The following OR1J2 variants were observed in gnomAD, a reference collection of about 807,000 sequenced individuals.
OR1J2 encodes the protein olfactory receptor 1J2.
For missense variants in OR1J2, 304 were observed against 246.1 expected (o/e 1.24, Z -1.57); for synonymous variants, 142 against 99.7 (o/e 1.42, Z -2.52).
the OR1J2 span, chr9:122,553,457 C>T: frequency 2.5e-6 from 4 of 1,614,158 alleles, no homozygotes; most frequent in Non-Finnish European, 3.4e-6. Flanking sequence ...CCTCCATCCC[C>T]AAAATGCTGG....
At chr9:122,489,619 C>T in the OR1J2 span, among the ~76,000 whole-genome samples, 1 of 152,130 alleles carries the variant, frequency 6.6e-6, no homozygotes, top group Non-Finnish European at 1.5e-5. Context: ...TTTTCAATAA[C>T]CAATGTATAG....
the OR1J2 span, chr9:122,527,383 A>G: frequency 1.4e-6 from 1 of 702,906 alleles, no homozygotes; most frequent in Non-Finnish European, 2.4e-6. Flanking sequence ...TCTCCCTTTA[A>G]GTTCATTATA....
the OR1J2 span, among the ~76,000 whole-genome samples, chr9:122,496,683 T>A: frequency 6.6e-6 from 1 of 151,982 alleles, no homozygotes; most frequent in Admixed American, 6.6e-5. Flanking sequence ...TGAACATTGG[T>A]TTGGTCTGGA....
At chr9:122,515,832 A>G (rs968916627), downstream of OR1J2, among the ~76,000 whole-genome samples, 2 of 152,016 alleles carry the variant, frequency 1.3e-5, no homozygotes, top group African/African-American at 4.8e-5. Flanking sequence ...TCCTGCCTGT[A>G]ATCTGTAGTG....
the OR1J2 span, among the ~76,000 whole-genome samples, chr9:122,579,689 G>T: frequency 0.026 from 4,025 of 152,274 alleles, 123 homozygotes; most frequent in African/African-American, 0.071. Flanking sequence ...GGGGTATGGT[G>T]TCATAATTAT....
At chr9:122,550,407 G>T in the OR1J2 span, among the ~76,000 whole-genome samples, 2 of 151,976 alleles carry the variant, frequency 1.3e-5, no homozygotes, top group Non-Finnish European at 2.9e-5. Flanking sequence ...TACAAAGCAG[G>T]TATCACCTGG....
At chr9:122,500,849 T>C in the OR1J2 span, among the ~76,000 whole-genome samples, 1 of 152,170 alleles carries the variant, frequency 6.6e-6, no homozygotes, top group African/African-American at 2.4e-5. Flanking sequence ...AAAAACTTTA[T>C]GCAGAAAGAT....
At chr9:122,535,236 C>T in the OR1J2 span, among the ~76,000 whole-genome samples, 6 of 151,884 alleles carry the variant, frequency 4.0e-5, no homozygotes, top group Non-Finnish European at 5.9e-5. Flanking sequence ...AATAAGGGAT[C>T]GGGGTGCAGA....
At chr9:122,523,539 A>C in the OR1J2 span, among the ~76,000 whole-genome samples, 6 of 152,314 alleles carry the variant, frequency 3.9e-5, no homozygotes, top group South Asian at 8.3e-4. Context: ...GTCATTGTAC[A>C]TTCAGGTAAC....
the OR1J2 span, among the ~76,000 whole-genome samples, chr9:122,535,605 A>G: frequency 2.0e-5 from 3 of 152,158 alleles, no homozygotes; most frequent in African/African-American, 7.2e-5. Flanking sequence ...CGCTTACCGG[A>G]TTTGAAATTG....
At chr9:122,529,749 A>T in the OR1J2 span, among the ~76,000 whole-genome samples, 2 of 133,684 alleles carry the variant, frequency 1.5e-5, no homozygotes, top group Non-Finnish European at 3.1e-5. Context: ...TCCGAGGGTG[A>T]TGAGGTCTCT....
chr9:122,503,163 G>T, the OR1J2 span, among the ~76,000 whole-genome samples: 2 of 152,216 alleles, frequency 1.3e-5, no homozygotes, highest in African/African-American at 4.8e-5. Flanking sequence ...ATGATGTCAT[G>T]TGGGATATGA....
At chr9:122,516,326 C>A (rs1218719578), downstream of OR1J2, among the ~76,000 whole-genome samples, 2 of 100,252 alleles carry the variant, frequency 2.0e-5, no homozygotes, top group South Asian at 7.3e-4. Flanking sequence ...TTTTTTGAGA[C>A]GGAGTCTCGC....
At chr9:122,550,571 TG>T in the OR1J2 span, among the ~76,000 whole-genome samples, 2 of 150,664 alleles carry the variant, frequency 1.3e-5, no homozygotes, top group African/African-American at 4.9e-5. Context: ...GTTTTTTTTT[TG>T]AGGAATACAA....
At chr9:122,469,724 G>A in the OR1J2 span, among the ~76,000 whole-genome samples, 1 of 152,202 alleles carries the variant, frequency 6.6e-6, no homozygotes, top group African/African-American at 2.4e-5. Context: ...CAAATGTATT[G>A]TTAATGATAT....
At chr9:122,580,281 C>G in the OR1J2 span, among the ~76,000 whole-genome samples, 20 of 152,144 alleles carry the variant, frequency 1.3e-4, no homozygotes, top group Non-Finnish European at 2.4e-4. Flanking sequence ...CCAACTAATT[C>G]ATATTGAGGA....
upstream of OR1J2, among the ~76,000 whole-genome samples, chr9:122,508,343 A>G (rs1828569511): frequency 6.6e-6 from 1 of 152,270 alleles, no homozygotes; most frequent in South Asian, 2.1e-4. Context: ...TGAGGTCTAT[A>G]TATAGCTAGA....
At chr9:122,566,446 A>C in the OR1J2 span, among the ~76,000 whole-genome samples, 1 of 152,008 alleles carries the variant, frequency 6.6e-6, no homozygotes, top group Non-Finnish European at 1.5e-5. Context: ...TATTTATATA[A>C]TGTTTTAATG....
At chr9:122,526,993 A>C in the OR1J2 span, 32 of 1,614,214 alleles carry the variant, frequency 2.0e-5, no homozygotes, top group Non-Finnish European at 2.6e-5. Context: ...ATCAGAAAGA[A>C]ATACATTTGC....
Sources: gnomAD v4.1 joint callset for allele counts (sites outside exome capture counted in the v4.1 genomes callset) on GRCh38, gnomAD v4.1.1 for gene constraint, MANE v1.5 for transcripts, NCBI Gene and HGNC (gene_info 2026-07-23, HGNC 2026-07-21) for gene names.